The following PLCB1 variants were observed in gnomAD, a reference collection of about 807,000 sequenced individuals.
PLCB1 encodes phospholipase C beta 1, also known as 1-phosphatidylinositol 4,5-bisphosphate phosphodiesterase beta-1.
A neutral mutation model predicts 161.8 loss-of-function variants in PLCB1; 46 were observed. That is an observed-to-expected ratio of 0.28 (90% CI 0.22 to 0.36). The LOEUF (loss-of-function observed/expected upper bound fraction) is 0.36, where lower values mean the gene tolerates loss of function less well. Ranked by LOEUF, PLCB1 falls within the 10% of genes least tolerant of loss-of-function variation. The probability of loss-of-function intolerance (pLI) is 1.00; values close to 1 mark genes in which losing one functional copy is unlikely to be tolerated. For synonymous variants in PLCB1, 517 were observed against 503.7 expected (o/e 1.03, Z -0.35); for missense variants, 1,016 against 1,472.5 (o/e 0.69, Z 5.07).
intron 3 of PLCB1, among the ~76,000 whole-genome samples, chr20:8,509,732 A>AGAT (rs1158515977): frequency 2.7e-3 from 10 of 3,730 alleles, no homozygotes; most frequent in Middle Eastern, 0.12. Flanking sequence ...GGCAGATCAT[A>AGAT]GATAGATAGA....
At chr20:8,450,752 C>T (rs1423180590) in intron 3 of PLCB1, among the ~76,000 whole-genome samples, 1 of 152,162 alleles carries the variant, frequency 6.6e-6, no homozygotes, top group Non-Finnish European at 1.5e-5. Context: ...TACCATCCTC[C>T]ATTTATTACA....
chr20:8,208,736 T>TTA (rs1433347177), intron 2 of PLCB1, among the ~76,000 whole-genome samples: 6 of 149,416 alleles, frequency 4.0e-5, no homozygotes, highest in Non-Finnish European at 7.4e-5. Flanking sequence ...GCAAGTCAAA[T>TTA]TATAGATGAG....
intron 11 of PLCB1, among the ~76,000 whole-genome samples, chr20:8,699,779 G>C (rs1990658347): frequency 1.3e-5 from 2 of 152,152 alleles, no homozygotes; most frequent in African/African-American, 2.4e-5. Context: ...TTGTGCCTAA[G>C]GAATACGACT....
chr20:8,455,998 T>C (rs1365985635), intron 3 of PLCB1, among the ~76,000 whole-genome samples: 7 of 152,224 alleles, frequency 4.6e-5, no homozygotes, highest in Non-Finnish European at 8.8e-5. Context: ...CAGTAAATTA[T>C]AGGAATACGT....
intron 3 of PLCB1, among the ~76,000 whole-genome samples, chr20:8,543,841 G>C (rs565613898): frequency 3.3e-5 from 5 of 152,002 alleles, no homozygotes; most frequent in Non-Finnish European, 7.4e-5. Flanking sequence ...TCTCATTCTC[G>C]CTCCTGCTGC....
Position 8,884,384 on chromosome 20 carries a change from A to G in PLCB1, c.*2535A>G, listed in dbSNP as rs1194725891. 2.6e-5 allele frequency: 4 copies of G among 152,588 alleles called. No individual in the cohort carries two copies. The highest frequency in any genetic ancestry group is 4.4e-5 in the Non-Finnish European group (3 of 68,028). 9.5% of individuals were successfully genotyped at this position (152,588 alleles called of 1,614,324 possible). ...CGTACTGTGGTTTTTCCTATAATAG[A>G]AAGTAGAGCTGTGTATTAAATTAGA... On this transcript the variant is annotated 3_prime_UTR_variant, in exon 32 of 32. Coordinates refer to ENST00000338037, the MANE Select transcript of PLCB1 (RefSeq NM_015192.4).
chr20:8,638,062 A>G (rs2123253907), intron 4 of PLCB1, among the ~76,000 whole-genome samples: 1 of 152,130 alleles, frequency 6.6e-6, no homozygotes, highest in South Asian at 2.1e-4. Flanking sequence ...TGCCCGGCTA[A>G]TTTTTGTATT....
chr20:8,824,776 A>G (rs1284296389), intron 31 of PLCB1, among the ~76,000 whole-genome samples: 2 of 152,230 alleles, frequency 1.3e-5, no homozygotes, highest in Non-Finnish European at 2.9e-5. Flanking sequence ...CATCACTGAA[A>G]GATAAAAATC....
At chr20:8,585,203 G>C (rs1176699914) in intron 3 of PLCB1, among the ~76,000 whole-genome samples, 2 of 152,150 alleles carry the variant, frequency 1.3e-5, no homozygotes. Context: ...ATTTCTAGAT[G>C]CATGTCCTAG....
intron 3 of PLCB1, among the ~76,000 whole-genome samples, chr20:8,414,052 T>G (rs1979161886): frequency 1.3e-5 from 2 of 152,134 alleles, no homozygotes; most frequent in African/African-American, 2.4e-5. Context: ...TAAGGCATTT[T>G]CAGCTAGTGG....
intron 2 of PLCB1, among the ~76,000 whole-genome samples, chr20:8,178,086 C>T (rs1057232344): frequency 1.3e-5 from 2 of 152,138 alleles, no homozygotes; most frequent in African/African-American, 2.4e-5. Flanking sequence ...TTTTCTTTAT[C>T]CAGGCTACTG....
intron 2 of PLCB1, among the ~76,000 whole-genome samples, chr20:8,203,942 C>T (rs920711249): frequency 2.0e-5 from 3 of 152,162 alleles, no homozygotes; most frequent in African/African-American, 2.4e-5. Flanking sequence ...CATTGCCTTC[C>T]ATCCCTTCTC....
intron 3 of PLCB1, among the ~76,000 whole-genome samples, chr20:8,539,377 T>C (rs939109725): frequency 1.4e-4 from 21 of 152,160 alleles, no homozygotes. Flanking sequence ...CAATATATTT[T>C]CCCAACCTGA....
chr20:8,737,253 A>C, intron 20 of PLCB1, 61 bp downstream of exon 20: 1 of 1,245,952 alleles, frequency 8.0e-7, no homozygotes, highest in East Asian at 2.4e-5. Context: ...TACACTGAGA[A>C]AATAATGAAA....
chr20:8,515,531 G>C (rs1008423536), intron 3 of PLCB1, among the ~76,000 whole-genome samples: 5 of 152,242 alleles, frequency 3.3e-5, no homozygotes, highest in African/African-American at 1.2e-4. Flanking sequence ...GGTGTATCTA[G>C]AAATTTGTAT....
chr20:8,789,454 T>G, intron 29 of PLCB1, 64 bp from the exon 30 acceptor site: 12 of 1,022,578 alleles, frequency 1.2e-5, no homozygotes, highest in Middle Eastern at 2.0e-4. Context: ...TCTAGAAGTC[T>G]GAGATTACCA....
intron 3 of PLCB1, among the ~76,000 whole-genome samples, chr20:8,583,635 A>G (rs1411358098): frequency 6.6e-6 from 1 of 152,180 alleles, no homozygotes; most frequent in Non-Finnish European, 1.5e-5. Flanking sequence ...AGCTTACTGG[A>G]ATATCATTAC....
intron 31 of PLCB1, among the ~76,000 whole-genome samples, chr20:8,804,946 A>G (rs905572206): frequency 6.9e-6 from 1 of 144,604 alleles, no homozygotes; most frequent in Non-Finnish European, 1.5e-5. Flanking sequence ...TGTTGCAGTG[A>G]GCCAAGGTTG....
chr20:8,806,858 C>T (rs1984563357), intron 31 of PLCB1, among the ~76,000 whole-genome samples: 3 of 152,170 alleles, frequency 2.0e-5, no homozygotes, highest in Non-Finnish European at 4.4e-5. Context: ...AAGTTTCAGT[C>T]ACAGCACAGA....
Sources: gnomAD v4.1 joint callset for allele counts (sites outside exome capture counted in the v4.1 genomes callset) on GRCh38, gnomAD v4.1.1 for gene constraint, MANE v1.5 for transcripts, NCBI Gene and HGNC (gene_info 2026-07-23, HGNC 2026-07-21) for gene names.